THSD7B: variants seen among roughly 807,000 people sequenced by gnomAD.
THSD7B encodes thrombospondin type-1 domain-containing protein 7B.
THSD7B carries 138 observed loss-of-function variants against 213.6 expected under a neutral mutation model. That is an observed-to-expected ratio of 0.65 (90% confidence interval 0.56 to 0.74). The LOEUF (loss-of-function observed/expected upper bound fraction) is 0.74, where lower values mean the gene tolerates loss of function less well. Ranked by LOEUF, THSD7B falls within the 30% of genes least tolerant of loss-of-function variation. The pLI is 0.00. For missense variants in THSD7B, 1,931 were observed against 1,991.5 expected, an observed-to-expected ratio of 0.97 and a Z score of 0.58; for synonymous variants, 742 against 687.0, an observed-to-expected ratio of 1.08 and a Z score of -1.25.
chr2:137,059,906 G>A (rs1558903754), intron 3 of THSD7B, among the ~76,000 whole-genome samples: 1 of 152,170 alleles, frequency 6.6e-6, no homozygotes, highest in Admixed American at 6.6e-5. Context: ...TGCAATTGCT[G>A]TATGGTATAG....
intron 5 of THSD7B, among the ~76,000 whole-genome samples, chr2:137,134,328 T>A (rs1688793238): frequency 6.6e-6 from 1 of 152,168 alleles, no homozygotes. Flanking sequence ...CTTGTTTTCT[T>A]ATGGTATCCT....
chr2:137,623,694 C>G (rs1424018314), intron 20 of THSD7B, among the ~76,000 whole-genome samples: 2 of 152,110 alleles, frequency 1.3e-5, no homozygotes, highest in African/African-American at 4.8e-5. Context: ...AACAGACAAA[C>G]AGAGAGCCAA....
chr2:137,007,367 G>A (rs1686135994), intron 2 of THSD7B, among the ~76,000 whole-genome samples: 1 of 152,102 alleles, frequency 6.6e-6, no homozygotes, highest in African/African-American at 2.4e-5. Flanking sequence ...ACACCATGAA[G>A]CATTTTAGCA....
chr2:137,448,756 G>T (rs993159906), intron 14 of THSD7B, among the ~76,000 whole-genome samples: 4 of 151,808 alleles, frequency 2.6e-5, no homozygotes, highest in African/African-American at 7.3e-5. Flanking sequence ...CCGAGATTGC[G>T]CCACTGCACT....
chr2:137,426,079 A>T (rs1163655397), intron 14 of THSD7B, among the ~76,000 whole-genome samples: 1 of 152,236 alleles, frequency 6.6e-6, no homozygotes, highest in African/African-American at 2.4e-5. Context: ...AATCCCATTT[A>T]CAATAGCATT....
At chr2:137,621,993 G>T (rs1682528617) in intron 20 of THSD7B, among the ~76,000 whole-genome samples, 1 of 152,160 alleles carries the variant, frequency 6.6e-6, no homozygotes. Flanking sequence ...AAATAATGCT[G>T]TGTTGCAGGA....
At chr2:136,933,108 ATTCC>A (rs56042301) in intron 2 of THSD7B, among the ~76,000 whole-genome samples, 10,418 of 130,470 alleles carry the variant, frequency 0.08, 632 homozygotes, top group East Asian at 0.31. Context: ...TTTGCCCGCC[ATTCC>A]TTCCTTCCTT....
At chr2:137,178,558 A>G (rs1680400297) in intron 7 of THSD7B, among the ~76,000 whole-genome samples, 1 of 152,188 alleles carries the variant, frequency 6.6e-6, no homozygotes, top group Non-Finnish European at 1.5e-5. Context: ...GTTCCCTTTC[A>G]TTTAGTTGTC....
chr2:137,063,073 G>T (rs1687308458), intron 3 of THSD7B, among the ~76,000 whole-genome samples: 1 of 150,374 alleles, frequency 6.7e-6, no homozygotes. Context: ...CTTAATCCCT[G>T]ACAATTTTCT....
chr2:137,321,746 T>G (rs1684268606), intron 12 of THSD7B, among the ~76,000 whole-genome samples: 2 of 152,142 alleles, frequency 1.3e-5, no homozygotes, highest in African/African-American at 4.8e-5. Flanking sequence ...TGGTGAGCAG[T>G]GCATCCCTTT....
intron 15 of THSD7B, among the ~76,000 whole-genome samples, chr2:137,554,360 T>C (rs10172956): frequency 2.6e-5 from 4 of 151,922 alleles, no homozygotes; most frequent in African/African-American, 9.7e-5. Context: ...AAGACACAAA[T>C]TTTTTCCCCA....
chr2:136,791,653 ATCT>A (rs1368265927), intron 1 of THSD7B, among the ~76,000 whole-genome samples: 2 of 151,770 alleles, frequency 1.3e-5, no homozygotes, highest in South Asian at 2.1e-4. Context: ...ACAGTGCATG[ATCT>A]TCTGTGACTG....
chr2:137,508,581 G>A lies in THSD7B; in HGVS notation c.3139-54640G>A, dbSNP rs551507383. 6.6e-5 allele frequency among the ~76,000 whole-genome samples: 10 copies of A among 150,870 alleles called. No homozygotes were observed. The East Asian group carries it at 2.0e-3, about 29-fold the overall frequency. The stretch of plus-strand genomic sequence containing the variant: ...TTTTTGTATTTTTTTAGTGGAGACG[G>A]GGTTTCACCATGTTAGCCAGGATGG... On this transcript the variant is annotated intron_variant, in intron 15 of 27. Transcript: ENST00000409968.
chr2:137,222,828 A>C (rs1030641187), intron 7 of THSD7B, among the ~76,000 whole-genome samples: 2 of 152,158 alleles, frequency 1.3e-5, no homozygotes, highest in Admixed American at 6.5e-5. Flanking sequence ...TGGAGTGTAG[A>C]GTGTTAGCAT....
intron 10 of THSD7B, among the ~76,000 whole-genome samples, chr2:137,249,569 C>A (rs763682697): frequency 1.3e-5 from 2 of 152,152 alleles, no homozygotes; most frequent in African/African-American, 4.8e-5. Context: ...TTTAGAAAGA[C>A]CTGAAATCTA....
chr2:137,335,737 G>A (rs929247614), intron 12 of THSD7B, among the ~76,000 whole-genome samples: 4 of 152,254 alleles, frequency 2.6e-5, no homozygotes, highest in East Asian at 1.9e-4. Flanking sequence ...TGCTGGTTTC[G>A]AAGATTATTG....
At chr2:137,181,748 A>C (rs985711299) in intron 7 of THSD7B, among the ~76,000 whole-genome samples, 1 of 152,066 alleles carries the variant, frequency 6.6e-6, no homozygotes, top group Non-Finnish European at 1.5e-5. Flanking sequence ...TCCCCCATGG[A>C]TTGACAGTCA....
At chr2:137,580,102 A>G (rs1681543567) in intron 17 of THSD7B, among the ~76,000 whole-genome samples, 1 of 152,178 alleles carries the variant, frequency 6.6e-6, no homozygotes, top group Non-Finnish European at 1.5e-5. Flanking sequence ...TTGAAAATAC[A>G]TAAACATGTT....
At chr2:136,926,682 A>C (rs1196239933) in intron 2 of THSD7B, among the ~76,000 whole-genome samples, 2 of 141,220 alleles carry the variant, frequency 1.4e-5, no homozygotes, top group Non-Finnish European at 3.0e-5. Context: ...TGACAGAACG[A>C]GACCTTATCT....
Sources: allele counts gnomAD v4.1 joint callset (sites outside exome capture counted in the v4.1 genomes callset), GRCh38; gene constraint gnomAD v4.1.1; transcripts MANE v1.5; gene names NCBI Gene and HGNC (gene_info 2026-07-23, HGNC 2026-07-21).